The following SPATA18 variants were observed in gnomAD, a reference collection of about 807,000 sequenced individuals.
SPATA18 encodes spermatogenesis associated 18.
In SPATA18, 54 loss-of-function variants were observed where a neutral mutation model predicts 68.1. The observed-to-expected ratio is 0.79, with a 90% confidence interval of 0.64 to 0.99. The LOEUF (loss-of-function observed/expected upper bound fraction) is 0.99. Ranked by LOEUF, SPATA18 falls within the 50% of genes least tolerant of loss-of-function variation. SPATA18 has a pLI of 0.00. For missense variants in SPATA18, 724 were observed against 681.1 expected (o/e 1.06, Z -0.70); for synonymous variants, 242 against 244.8 (o/e 0.99, Z 0.11).
In SPATA18 at chr4:52,094,931, G is replaced by A; in HGVS notation, c.*44G>A. 2 of 1,613,088 alleles carry A rather than the reference G, an allele frequency of 1.2e-6. No homozygotes were observed. The highest frequency in any genetic ancestry group is 1.3e-5 in the African/African-American group (1 of 75,022). On this transcript the variant is annotated 3_prime_UTR_variant, in exon 13 of 13. Transcript: ENST00000295213. Reference sequence around the variant, plus strand: ...TTTGACCCAGTGCGTGGAAACAGCTGCTTTCTCCAGTGCCGCCATCTGTCT... The same window carrying A: ...TTTGACCCAGTGCGTGGAAACAGCTACTTTCTCCAGTGCCGCCATCTGTCT...
intron 6 of SPATA18, among the ~76,000 whole-genome samples, chr4:52,073,920 TC>T (rs1314668728): frequency 6.6e-6 from 1 of 152,224 alleles, no homozygotes; most frequent in Non-Finnish European, 1.5e-5. Context: ...AATCTAGAGC[TC>T]GTCTATTTCA....
intron 11 of SPATA18, among the ~76,000 whole-genome samples, chr4:52,089,557 G>C (rs147817252): frequency 2.0e-5 from 3 of 152,278 alleles, no homozygotes; most frequent in African/African-American, 7.2e-5. Flanking sequence ...AGTCATTCAG[G>C]AGCAGGTTGT....
At chr4:52,070,890 G>T (rs1479861954) in intron 5 of SPATA18, among the ~76,000 whole-genome samples, 2 of 144,058 alleles carry the variant, frequency 1.4e-5, no homozygotes, top group East Asian at 2.2e-4. Context: ...TGGGGGGGGG[G>T]GTGTTTTACA....
At chr4:52,052,587 A>C (rs548895025) in intron 1 of SPATA18, among the ~76,000 whole-genome samples, 2 of 152,330 alleles carry the variant, frequency 1.3e-5, no homozygotes, top group East Asian at 3.9e-4. Flanking sequence ...GCGGCCAGGC[A>C]AAAGAACTGT....
chr4:52,064,686 A>G (rs1360746771), intron 4 of SPATA18, among the ~76,000 whole-genome samples: 1 of 152,168 alleles, frequency 6.6e-6, no homozygotes, highest in Non-Finnish European at 1.5e-5. Flanking sequence ...GTTGATGGGC[A>G]CTTAGGTTGG....
chr4:52,052,399 G>A (rs1369814626), intron 1 of SPATA18, among the ~76,000 whole-genome samples: 1 of 152,150 alleles, frequency 6.6e-6, no homozygotes, highest in African/African-American at 2.4e-5. Flanking sequence ...GCATTTGTGA[G>A]AAGCCAGTAT....
At chr4:52,078,039 A>G (rs1578183780) in intron 7 of SPATA18, among the ~76,000 whole-genome samples, 2 of 152,142 alleles carry the variant, frequency 1.3e-5, no homozygotes, top group Middle Eastern at 6.8e-3. Flanking sequence ...CCTGGCTCAT[A>G]TTTCTAAGAG....
chr4:52,093,212 C>T (rs1306477488), intron 11 of SPATA18, among the ~76,000 whole-genome samples: 2 of 152,058 alleles, frequency 1.3e-5, no homozygotes, highest in African/African-American at 4.8e-5. Context: ...ATACAGTCAA[C>T]AAACCAATAC....
Position 52,060,858 on chromosome 4 carries a change from C to T in SPATA18, c.270C>T (p.Ser90=). The change falls in exon 3 of 13, where the codon TCC becomes TCT. Residue 90 remains serine, a synonymous_variant. Transcript: ENST00000295213. ...PWLEASFTAA[S]LGKSVDSKVP... ...TGGAGGCTTCCTTTACTGCTGCTTCCCTGGGAAAATCTGTTGACAGCAAGG... is the reference window on the plus strand; with the variant it reads ...TGGAGGCTTCCTTTACTGCTGCTTCTCTGGGAAAATCTGTTGACAGCAAGG... 1 of 1,613,904 alleles carries T rather than the reference C, an allele frequency of 6.2e-7. No homozygotes were observed. Among genetic ancestry groups the T allele is most frequent in the Non-Finnish European group, 8.5e-7 (1 of 1,179,926 alleles).
intron 11 of SPATA18, among the ~76,000 whole-genome samples, 164 bp downstream of exon 11, chr4:52,085,163 A>C (rs936817106): frequency 1.3e-5 from 2 of 152,174 alleles, no homozygotes; most frequent in African/African-American, 4.8e-5. Flanking sequence ...CTGTGGGCTA[A>C]ATAATTTATT....
intron 11 of SPATA18, among the ~76,000 whole-genome samples, chr4:52,092,216 C>T (rs1262559580): frequency 3.3e-5 from 5 of 151,268 alleles, no homozygotes; most frequent in African/African-American, 1.2e-4. Context: ...GGGAAGTGAA[C>T]GGTTCTGTTT....
In SPATA18 at chr4:52,094,533, C is replaced by T. The variant is rs200729935; in HGVS notation, c.1570C>T (p.Arg524Ter). ...RSQIGLNTMS[R>*]SRSPSPIRCG... ...ATTCTTTTATATTTTCCAGATGTCT[C>T]GAAGTCGGAGTCCTTCTCCAATAAG... Residue 524 changes from arginine (R) to a stop codon, truncating the protein, a stop_gained, in exon 12 of 13, where the codon CGA becomes TGA. Coordinates refer to ENST00000295213, the MANE Select transcript of SPATA18 (RefSeq NM_145263.4). LOFTEE classifies it high-confidence loss of function. The T allele has an allele frequency of 3.7e-5, 59 of 1,613,012 alleles. No individual in the cohort carries two copies. Among genetic ancestry groups the T allele is most frequent in the Admixed American group, 8.4e-5 (5 of 59,858 alleles).
intron 11 of SPATA18, among the ~76,000 whole-genome samples, chr4:52,093,242 A>ATGAT (rs1458675845): frequency 6.6e-6 from 1 of 152,196 alleles, no homozygotes; most frequent in Non-Finnish European, 1.5e-5. Flanking sequence ...ATGATACAAT[A>ATGAT]TGATAGTCAA....
intron 10 of SPATA18, 38 bp from the exon 11 acceptor site, chr4:52,084,878 T>C (rs1435321178): frequency 6.2e-7 from 1 of 1,604,368 alleles, no homozygotes; most frequent in East Asian, 2.2e-5. Flanking sequence ...TTTCACAAAC[T>C]CCTGACTATG....
intron 10 of SPATA18, chr4:52,083,449 C>T: frequency 1.0e-6 from 1 of 985,392 alleles, no homozygotes; most frequent in Non-Finnish European, 1.2e-6. Context: ...ATGTTTTGTT[C>T]CATAAATGTT....
intron 3 of SPATA18, 26 bp downstream of exon 3, chr4:52,060,923 G>T (rs1048989165): frequency 6.3e-7 from 1 of 1,577,422 alleles, no homozygotes; most frequent in African/African-American, 1.3e-5. Context: ...GATAACCCTT[G>T]ACTTTCTGAA....
In SPATA18 at chr4:52,072,665, C is replaced by G. The variant is rs545162706; in HGVS notation, c.758+509C>G. 2.1e-3 allele frequency among the ~76,000 whole-genome samples: 315 copies of G among 152,328 alleles called. 2 individuals carry two copies. The highest frequency in any genetic ancestry group is 3.6e-3 in the Non-Finnish European group (247 of 68,030). On this transcript the variant is annotated intron_variant, in intron 6 of 12. Transcript: ENST00000295213. ...AGGTGATCTGCCTGCCTCCACCTCCCAAAGTGCTGGGATTACAGGCATGAG... is the reference window on the plus strand; with the variant it reads ...AGGTGATCTGCCTGCCTCCACCTCCGAAAGTGCTGGGATTACAGGCATGAG...
intron 11 of SPATA18, among the ~76,000 whole-genome samples, chr4:52,090,098 G>T (rs554811585): frequency 5.3e-5 from 8 of 152,188 alleles, no homozygotes; most frequent in African/African-American, 1.9e-4. Context: ...GATTAGGATT[G>T]CAACCCCTGC....
intron 11 of SPATA18, among the ~76,000 whole-genome samples, chr4:52,085,819 G>A (rs1199168216): frequency 6.6e-6 from 1 of 152,116 alleles, no homozygotes; most frequent in Non-Finnish European, 1.5e-5. Flanking sequence ...TGAGCTGGGA[G>A]GATCATCTGA....
Sources: allele counts gnomAD v4.1 joint callset (sites outside exome capture counted in the v4.1 genomes callset), GRCh38; gene constraint gnomAD v4.1.1; transcripts MANE v1.5; gene names NCBI Gene and HGNC (gene_info 2026-07-23, HGNC 2026-07-21).